BMP7: variants seen among roughly 807,000 people sequenced by gnomAD.
BMP7 encodes the protein bone morphogenetic protein 7.
BMP7 carries 12 observed loss-of-function variants against 41.2 expected under a neutral mutation model. The observed-to-expected ratio is 0.29, with a 90% confidence interval of 0.19 to 0.47. BMP7 has a LOEUF of 0.47. BMP7 is among the 20% of genes least tolerant of loss of function. The pLI, the probability that BMP7 is intolerant of heterozygous loss-of-function variation, is 0.99. For missense variants in BMP7, 467 were observed against 606.0 expected (o/e 0.77, Z 2.41); for synonymous variants, 248 against 250.0 (o/e 0.99, Z 0.07).
At position 57,174,222 on chromosome 20, in the gene BMP7, A is replaced by G. The variant is rs1983872545; in HGVS notation, c.1035+709T>C. Reference sequence around the variant, plus strand: ...CACCAGTTGCCCTGATGACCTCATGACAATACCCTCTCCAGGGATATTTGA... The same window carrying G: ...CACCAGTTGCCCTGATGACCTCATGGCAATACCCTCTCCAGGGATATTTGA... On this transcript the variant is annotated intron_variant, in intron 5 of 6. Transcript: ENST00000395863. The surrounding 1 kb of genome is among the most constrained non-coding windows in gnomAD (Gnocchi z 4.3). 6.6e-6 allele frequency among the ~76,000 whole-genome samples: 1 copy of G among 152,140 alleles called. No homozygotes were observed. The highest frequency in any genetic ancestry group is 1.5e-5 in the Non-Finnish European group (1 of 68,026).
At chr20:57,204,639 G>C (rs1984692760) in intron 2 of BMP7, among the ~76,000 whole-genome samples, 1 of 152,136 alleles carries the variant, frequency 6.6e-6, no homozygotes, top group African/African-American at 2.4e-5. Context: ...AAAACTCTGG[G>C]GGACAGAATC....
intron 1 of BMP7, among the ~76,000 whole-genome samples, chr20:57,231,049 G>A (rs1028479908): frequency 3.9e-5 from 6 of 152,130 alleles, no homozygotes; most frequent in South Asian, 2.1e-4. Flanking sequence ...ACCCAGTCAC[G>A]GAGATTCCTC....
intron 1 of BMP7, among the ~76,000 whole-genome samples, chr20:57,249,214 T>C (rs2066102497): frequency 6.6e-6 from 1 of 152,100 alleles, no homozygotes; most frequent in Admixed American, 6.5e-5. Flanking sequence ...TTATAGGTCC[T>C]TAAGTGTAAG....
chr20:57,181,266 A>C (rs1984073146), intron 4 of BMP7, among the ~76,000 whole-genome samples: 1 of 152,116 alleles, frequency 6.6e-6, no homozygotes, highest in Admixed American at 6.5e-5. Context: ...GTACTTTGGG[A>C]GGCCAAAGTG....
intron 2 of BMP7, among the ~76,000 whole-genome samples, chr20:57,209,616 A>C (rs1228693495): frequency 6.6e-6 from 1 of 152,182 alleles, no homozygotes; most frequent in Non-Finnish European, 1.5e-5. Flanking sequence ...AAAACCACTG[A>C]ATTATACACT....
chr20:57,193,741 G>T (rs1984429252), intron 3 of BMP7, among the ~76,000 whole-genome samples: 2 of 152,188 alleles, frequency 1.3e-5, no homozygotes, highest in South Asian at 4.1e-4. Flanking sequence ...AGGTTTTGGG[G>T]TGAACTTACC....
At chr20:57,249,616 T>A (rs569662855) in intron 1 of BMP7, among the ~76,000 whole-genome samples, 111 of 152,274 alleles carry the variant, frequency 7.3e-4, no homozygotes, top group African/African-American at 2.6e-3. Context: ...ATGTTTGAAA[T>A]GTGAAGGTAC....
chr20:57,254,837 T>C (rs1251417129), intron 1 of BMP7, among the ~76,000 whole-genome samples: 1 of 152,282 alleles, frequency 6.6e-6, no homozygotes, highest in East Asian at 1.9e-4. Flanking sequence ...AAAAACTGTT[T>C]CTGTGGTCTT....
At chr20:57,219,298 CAAG>C (rs1330222123) in intron 2 of BMP7, among the ~76,000 whole-genome samples, 8 of 125,774 alleles carry the variant, frequency 6.4e-5, no homozygotes, top group African/African-American at 4.1e-4. Context: ...TAGCAGTGAG[CAAG>C]GTAAGTGGGA....
Position 57,252,031 on chromosome 20 carries a change from C to T in BMP7, c.418+13674G>A, listed in dbSNP as rs190877202. 2.2e-3 allele frequency among the ~76,000 whole-genome samples: 328 copies of T among 152,320 alleles called. 1 individual carries two copies. The highest frequency in any genetic ancestry group is 0.02 in the Middle Eastern group (6 of 294). On this transcript the variant is annotated intron_variant, in intron 1 of 6. Coordinates refer to ENST00000395863, the MANE Select transcript of BMP7 (RefSeq NM_001719.3). Reference sequence around the variant, plus strand: ...CGTGTGGAAAGCAGGGATCAATAAACCCCATGAAGAGCCAGACAGAAACTA... The same window carrying T: ...CGTGTGGAAAGCAGGGATCAATAAATCCCATGAAGAGCCAGACAGAAACTA...
rs569022035 is a variant in BMP7, at chr20:57,234,859, C to A, written c.419-6438G>T. 5.3e-5 allele frequency among the ~76,000 whole-genome samples: 8 copies of A among 152,372 alleles called. No individual in the cohort carries two copies. In the South Asian group the frequency reaches 1.7e-3, roughly 32 times the overall value. On this transcript the variant is annotated intron_variant, in intron 1 of 6. Transcript: ENST00000395863. ...TCTGCATTGAACACATTACTCTTCA[C>A]GCAATTCCTTTCTAGTTTAAGTAAA...
At chr20:57,183,585 G>A (rs1984137707) in intron 4 of BMP7, 137 bp downstream of exon 4, 3 of 1,147,862 alleles carry the variant, frequency 2.6e-6, no homozygotes, top group Non-Finnish European at 2.5e-6. Context: ...GGATTTGGGG[G>A]TTTTCTTCCT....
Position 57,241,179 on chromosome 20 carries a change from C to T in BMP7, c.419-12758G>A, listed in dbSNP as rs143046597. On this transcript the variant is annotated intron_variant, in intron 1 of 6. Transcript: ENST00000395863. The stretch of plus-strand genomic sequence containing the variant: ...TCTTCCCCACTCAGCCATACCAACT[C>T]TCTTCCTCACATGGGAGCTGCCAGT... Among the ~76,000 whole-genome samples, 238 of 152,320 alleles carry T rather than the reference C, an allele frequency of 1.6e-3. 1 individual carries two copies. The highest frequency in any genetic ancestry group is 5.3e-3 in the African/African-American group (220 of 41,566).
chr20:57,225,946 T>C (rs1568721965), intron 2 of BMP7: 1 of 471,240 alleles, frequency 2.1e-6, no homozygotes, highest in Non-Finnish European at 4.4e-6. Flanking sequence ...AGGCATGGCA[T>C]GCAGCAGGTA....
intron 3 of BMP7, among the ~76,000 whole-genome samples, chr20:57,201,428 C>T (rs2123088510): frequency 6.6e-6 from 1 of 152,158 alleles, no homozygotes; most frequent in South Asian, 2.1e-4. Context: ...ACTGTATATG[C>T]CAGGCCACCA....
intron 4 of BMP7, 111 bp downstream of exon 4, chr20:57,183,611 G>A: frequency 1.4e-6 from 2 of 1,397,390 alleles, no homozygotes; most frequent in South Asian, 2.3e-5. Context: ...ATTTGTTCCA[G>A]AGCCATCTGG....
chr20:57,226,987 T>C (rs6099503), intron 2 of BMP7, among the ~76,000 whole-genome samples: 14,472 of 152,072 alleles, frequency 0.095, 2,271 homozygotes, highest in African/African-American at 0.33. Flanking sequence ...CCACCATGCC[T>C]GGCTAATTTT....
intron 2 of BMP7, among the ~76,000 whole-genome samples, chr20:57,205,781 T>G (rs866572854): frequency 9.2e-5 from 14 of 152,298 alleles, no homozygotes; most frequent in Non-Finnish European, 1.3e-4. Context: ...TATTGCAGGC[T>G]ATGACACTGA....
At chr20:57,172,883 C>T in intron 6 of BMP7, 1 of 589,522 alleles carries the variant, frequency 1.7e-6, no homozygotes, top group South Asian at 2.1e-5. Flanking sequence ...TGAAGCAGGG[C>T]CCAGTGCTCT....
Sources: allele counts gnomAD v4.1 joint callset (sites outside exome capture counted in the v4.1 genomes callset), GRCh38; gene constraint gnomAD v4.1.1; non-coding constraint Gnocchi (gnomAD v3.1); transcripts MANE v1.5; gene names NCBI Gene and HGNC (gene_info 2026-07-23, HGNC 2026-07-21).